AGBL3: variants seen among roughly 807,000 people sequenced by gnomAD.
AGBL3 encodes AGBL carboxypeptidase 3, also known as cytosolic carboxypeptidase 3.
In AGBL3, 68 loss-of-function variants were observed where a neutral mutation model predicts 94.5. The ratio of observed to expected loss-of-function variants is 0.72; its 90% CI spans 0.59 to 0.88. AGBL3 has a LOEUF of 0.88. Among genes scored for constraint, AGBL3 ranks in the 40% least tolerant of loss-of-function variants. The pLI, the probability that AGBL3 is intolerant of heterozygous loss-of-function variation, is 0.00. For missense variants in AGBL3, 934 were observed against 1,103.8 expected, an observed-to-expected ratio of 0.85 and a Z score of 2.18; for synonymous variants, 354 against 370.7, an observed-to-expected ratio of 0.95 and a Z score of 0.52.
intron 16 of AGBL3, among the ~76,000 whole-genome samples, chr7:135,125,444 G>A (rs531024873): frequency 3.9e-5 from 6 of 152,118 alleles, no homozygotes; most frequent in East Asian, 1.9e-4. Context: ...ACGGATTCAC[G>A]GCTGAATTTT....
rs575920355 is a variant in AGBL3, at chr7:135,034,554, G to A, written c.963G>A (p.Lys321=). ...SGINNDPVRS[K]FCKIRVLCHT... ...TCAATAATGATCCAGTACGGTCAAA[G>A]TTTTGTAAAATACGTGTTTTGTGCC... is the stretch of plus-strand genomic sequence containing the variant. The change falls in exon 7 of 17, where the codon AAG becomes AAA. Residue 321 remains lysine (K), a synonymous_variant. Transcript: ENST00000436302. 1.6e-5 allele frequency: 25 copies of A among 1,551,880 alleles called. No individual in the cohort carries two copies. The East Asian group carries it at 6.1e-4, about 38-fold the overall frequency.
At position 134,993,602 on chromosome 7, in the gene AGBL3, CTCT is replaced by C. The variant is rs1322379990; in HGVS notation, c.241_243del (p.Ser81del). The C allele has an allele frequency of 1.2e-5, 18 of 1,552,000 alleles. No homozygotes were observed. Among genetic ancestry groups the C allele is most frequent in the East Asian group, 7.3e-5 (3 of 40,932 alleles). On this transcript the variant is annotated inframe_deletion, in exon 4 of 17. Transcript: ENST00000436302. ...GTGAACCAAGGGATTTATATGGTGT[CTCT>C]TCTTCTGGTCCATTGAGCCCAACAC...
At chr7:135,126,628 T>C (rs557104720) in intron 16 of AGBL3, among the ~76,000 whole-genome samples, 2 of 152,322 alleles carry the variant, frequency 1.3e-5, no homozygotes, top group East Asian at 3.9e-4. Context: ...TCACACTACC[T>C]AACTTCAAAC....
chr7:135,048,749 A>T (rs1817603631), intron 11 of AGBL3, among the ~76,000 whole-genome samples: 2 of 115,362 alleles, frequency 1.7e-5, no homozygotes, highest in Non-Finnish European at 3.9e-5. Flanking sequence ...TAGTTCTCAC[A>T]GTTGTTTTTT....
At position 135,018,290 on chromosome 7, in the gene AGBL3, C is replaced by T. The variant is rs1584848096; in HGVS notation, c.418+1131C>T. On this transcript the variant is annotated intron_variant, in intron 5 of 16. Coordinates refer to ENST00000436302, the MANE Select transcript of AGBL3 (RefSeq NM_178563.4). Reference sequence around the variant, plus strand: ...AGTAAAGAAATAGACAACTGCCAACCTGTGGCACCGAAGGGAAAATGCTAG... The same window carrying T: ...AGTAAAGAAATAGACAACTGCCAACTTGTGGCACCGAAGGGAAAATGCTAG... Among the ~76,000 whole-genome samples, 6 of 152,322 alleles carry T rather than the reference C, an allele frequency of 3.9e-5. 2 individuals are homozygous for T. The highest frequency in any genetic ancestry group is 3.9e-4 in the Admixed American group (6 of 15,310).
intron 15 of AGBL3, among the ~76,000 whole-genome samples, chr7:135,109,005 AT>A (rs1403145602): frequency 6.6e-6 from 1 of 152,098 alleles, no homozygotes; most frequent in Non-Finnish European, 1.5e-5. Flanking sequence ...GTGTTGTGAA[AT>A]TCTTGTAGTG....
intron 11 of AGBL3, among the ~76,000 whole-genome samples, chr7:135,053,736 C>T (rs1387780077): frequency 6.6e-6 from 1 of 151,980 alleles, no homozygotes; most frequent in East Asian, 1.9e-4. Context: ...TTCCTGAGAC[C>T]TAAAAAATGA....
At chr7:135,045,678 T>C in intron 10 of AGBL3, 104 bp downstream of exon 10, 1 of 1,322,132 alleles carries the variant, frequency 7.6e-7, no homozygotes, top group Non-Finnish European at 1.1e-6. Flanking sequence ...CCAACAGTGT[T>C]GTTGGGGTTT....
At chr7:135,094,041 C>A in intron 15 of AGBL3, 1 of 187,046 alleles carries the variant, frequency 5.3e-6, no homozygotes, top group South Asian at 9.8e-5. Flanking sequence ...AACTGGATAT[C>A]CACATGCAAA....
At chr7:135,056,000 G>A (rs1400440053) in intron 11 of AGBL3, among the ~76,000 whole-genome samples, 1 of 137,026 alleles carries the variant, frequency 7.3e-6, no homozygotes, top group East Asian at 1.9e-4. Context: ...GGTACACTGT[G>A]TCTTTCAAGA....
At chr7:135,116,935 G>C (rs935279198) in intron 16 of AGBL3, among the ~76,000 whole-genome samples, 19 of 152,154 alleles carry the variant, frequency 1.2e-4, no homozygotes, top group Admixed American at 8.5e-4. Context: ...GGCTTCTTCA[G>C]CTCCAAGTCT....
At chr7:134,998,226 T>C (rs1200478432) in intron 4 of AGBL3, among the ~76,000 whole-genome samples, 1 of 152,218 alleles carries the variant, frequency 6.6e-6, no homozygotes, top group Non-Finnish European at 1.5e-5. Flanking sequence ...TTCATCATTA[T>C]ATCTTATGAC....
intron 4 of AGBL3, among the ~76,000 whole-genome samples, chr7:135,002,498 C>T (rs1365329188): frequency 2.6e-5 from 4 of 152,096 alleles, no homozygotes; most frequent in Admixed American, 1.3e-4. Context: ...CCCGCCTCTC[C>T]ATCCAAAATT....
chr7:135,111,274 C>T (rs542158116), intron 15 of AGBL3, among the ~76,000 whole-genome samples: 3 of 152,254 alleles, frequency 2.0e-5, no homozygotes, highest in East Asian at 3.9e-4. Flanking sequence ...TAATTACTGC[C>T]GTCTTACTCA....
intron 4 of AGBL3, among the ~76,000 whole-genome samples, chr7:135,006,056 C>A (rs1452195875): frequency 6.6e-6 from 1 of 151,592 alleles, no homozygotes; most frequent in Non-Finnish European, 1.5e-5. Flanking sequence ...GAATTGACAT[C>A]AAAAACATGA....
intron 12 of AGBL3, among the ~76,000 whole-genome samples, chr7:135,064,041 GCAAGA>G (rs1386254595): frequency 6.6e-6 from 1 of 152,130 alleles, no homozygotes; most frequent in Non-Finnish European, 1.5e-5. Context: ...GTTCAAGAGG[GCAAGA>G]CAAACCATGC....
intron 16 of AGBL3, among the ~76,000 whole-genome samples, chr7:135,123,892 A>C (rs1332092009): frequency 6.6e-6 from 1 of 152,222 alleles, no homozygotes; most frequent in East Asian, 1.9e-4. Context: ...TCCTGAAAGA[A>C]GCACTAAATA....
chr7:135,022,836 G>A (rs1316594978), intron 5 of AGBL3, among the ~76,000 whole-genome samples: 1 of 151,840 alleles, frequency 6.6e-6, no homozygotes, highest in East Asian at 1.9e-4. Flanking sequence ...TAATTATTAT[G>A]TTTAATATAT....
At chr7:135,062,190 TAGA>T (rs1295998158) in intron 12 of AGBL3, among the ~76,000 whole-genome samples, 8 of 152,100 alleles carry the variant, frequency 5.3e-5, no homozygotes, top group African/African-American at 1.7e-4. Context: ...TTTTGATTTT[TAGA>T]TAGTTTGTTA....
Sources: gnomAD v4.1 joint callset for allele counts (sites outside exome capture counted in the v4.1 genomes callset) on GRCh38, gnomAD v4.1.1 for gene constraint, MANE v1.5 for transcripts, NCBI Gene and HGNC (gene_info 2026-07-23, HGNC 2026-07-21) for gene names.